Variants in SOS1 observed in about 807,000 individuals in gnomAD.
The protein encoded by SOS1 is SOS Ras/Rac guanine nucleotide exchange factor 1.
A neutral mutation model predicts 157.6 loss-of-function variants in SOS1; 25 were observed. That is an observed-to-expected ratio of 0.16 (90% CI 0.12 to 0.22). The LOEUF is 0.22. SOS1 is among the 10% of genes least tolerant of loss of function. The pLI, the probability that SOS1 is intolerant of heterozygous loss-of-function variation, is 1.00. For synonymous variants in SOS1, 528 were observed against 534.0 expected (o/e 0.99, Z 0.16); for missense variants, 1,237 against 1,599.1 (o/e 0.77, Z 3.86).
intron 17 of SOS1, among the ~76,000 whole-genome samples, chr2:39,005,717 G>C (rs1477101510): frequency 6.6e-6 from 1 of 151,868 alleles, no homozygotes; most frequent in Non-Finnish European, 1.5e-5. Flanking sequence ...ATATAGATGA[G>C]GAAAAGGCTA....
At chr2:39,122,430 C>T (rs1164162413), upstream of SOS1, among the ~76,000 whole-genome samples, 1 of 127,630 alleles carries the variant, frequency 7.8e-6, no homozygotes, top group Non-Finnish European at 1.6e-5. Context: ...AACTCCGTTT[C>T]AATTCAAAAA....
chr2:39,035,540 T>TC, intron 6 of SOS1, 40 bp from the exon 7 acceptor site: 1 of 1,396,126 alleles, frequency 7.2e-7, no homozygotes, highest in Non-Finnish European at 1.0e-6. Flanking sequence ...TAATTTACCA[T>TC]TACAAACACA....
intron 6 of SOS1, among the ~76,000 whole-genome samples, chr2:39,038,528 G>C (rs962373197): frequency 1.3e-5 from 2 of 151,772 alleles, no homozygotes; most frequent in African/African-American, 4.8e-5. Flanking sequence ...GAGATCAAGA[G>C]ATCGAGACCA....
intron 1 of SOS1, among the ~76,000 whole-genome samples, chr2:39,083,291 C>G (rs942826266): frequency 6.6e-6 from 1 of 151,970 alleles, no homozygotes; most frequent in Non-Finnish European, 1.5e-5. Flanking sequence ...AGAATGGAAT[C>G]TAGTGAAGCA....
intron 6 of SOS1, among the ~76,000 whole-genome samples, chr2:39,045,662 G>A (rs1271344962): frequency 6.6e-6 from 1 of 152,092 alleles, no homozygotes; most frequent in South Asian, 2.1e-4. Flanking sequence ...CTGTGGTTCT[G>A]TTTTAAGAAA....
rs573210185 is a variant in SOS1, at chr2:39,023,353, T to C, written c.1203-128A>G. The C allele has an allele frequency of 1.9e-5, 12 of 625,244 alleles. 1 individual carries two copies. In the South Asian group the frequency reaches 2.9e-4, roughly 15 times the overall value. 38.7% of individuals were successfully genotyped at this position (625,244 alleles called of 1,614,324 possible). On this transcript the variant is annotated intron_variant, in intron 9 of 22. Coordinates refer to ENST00000402219, the MANE Select transcript of SOS1 (RefSeq NM_005633.4). ...AGAAGGTATTCACTAATTCCCCAAA[T>C]AGATTAGAATTACAAAATTACACAA...
In SOS1 at chr2:39,120,482, G is replaced by A. The variant is rs1203682554; in HGVS notation, c.-60C>T. On this transcript the variant is annotated 5_prime_UTR_variant, in exon 1 of 23. Coordinates refer to ENST00000402219, the MANE Select transcript of SOS1 (RefSeq NM_005633.4). The stretch of plus-strand genomic sequence containing the variant: ...GCGGCGGCGGCCGGGCCAGGGAGCC[G>A]CGAGAGGGCGAGCTCGCAGCGCGGA... 4.2e-6 allele frequency: 6 copies of A among 1,434,302 alleles called. No homozygotes were observed. Among genetic ancestry groups the A allele is most frequent in the South Asian group, 1.4e-5 (1 of 73,156 alleles). The allele number at this position is 1,434,302 out of a possible 1,614,324, so 88.8% of individuals were successfully genotyped here.
chr2:39,098,995 T>C (rs1474062953), intron 1 of SOS1, among the ~76,000 whole-genome samples: 1 of 152,206 alleles, frequency 6.6e-6, no homozygotes, highest in African/African-American at 2.4e-5. Context: ...AAATGTTCAA[T>C]ATGCACATGA....
chr2:39,038,744 A>AAAAAAAAAAAAAAAAAAAAAAAAAAAC (rs1286674941), intron 6 of SOS1, among the ~76,000 whole-genome samples: 1 of 146,884 alleles, frequency 6.8e-6, no homozygotes, highest in Non-Finnish European at 1.5e-5. Flanking sequence ...AAAAAAAAAA[A>AAAAAAAAAAAAAAAAAAAAAAAAAAAC]AAAAGTCGTT....
intron 1 of SOS1, among the ~76,000 whole-genome samples, chr2:39,089,746 A>C (rs1672515696): frequency 6.6e-6 from 1 of 152,066 alleles, no homozygotes; most frequent in Admixed American, 6.6e-5. Flanking sequence ...GTACTAGTAT[A>C]GTCAATCAAC....
chr2:38,998,829 C>G (rs1464133966), intron 17 of SOS1, among the ~76,000 whole-genome samples: 1 of 152,178 alleles, frequency 6.6e-6, no homozygotes, highest in African/African-American at 2.4e-5. Flanking sequence ...AGTTCGTTCA[C>G]TCCCCACATG....
Position 39,064,977 on chromosome 2 carries a change from C to G in SOS1, c.213+2651G>C, listed in dbSNP as rs537360991. On this transcript the variant is annotated intron_variant, in intron 2 of 22. Coordinates refer to ENST00000402219, the MANE Select transcript of SOS1 (RefSeq NM_005633.4). ...TTCACCATGTTAACCAGGCTGTTCTCAAACTCCCAACCTTAGGTTATCCGC... is the reference window on the plus strand; with the variant it reads ...TTCACCATGTTAACCAGGCTGTTCTGAAACTCCCAACCTTAGGTTATCCGC... Among the ~76,000 whole-genome samples, 6 of 151,242 alleles carry G rather than the reference C, an allele frequency of 4.0e-5. No homozygotes were observed. The South Asian group carries it at 1.3e-3, about 32-fold the overall frequency.
intron 17 of SOS1, among the ~76,000 whole-genome samples, chr2:39,003,079 G>A (rs200181952): frequency 9.1e-3 from 184 of 20,230 alleles, no homozygotes; most frequent in African/African-American, 0.027. Flanking sequence ...AAAAAAAAAA[G>A]AACGTAGGGG....
At chr2:39,110,743 G>A (rs544305186) in intron 1 of SOS1, among the ~76,000 whole-genome samples, 2 of 152,204 alleles carry the variant, frequency 1.3e-5, no homozygotes, top group South Asian at 2.1e-4. Context: ...ATCGGCAAAG[G>A]GTTCTTAGAT....
In SOS1 at chr2:38,984,853, CTA is replaced by C. The variant is rs1668506996; in HGVS notation, c.*969_*970del. 1 of 152,160 alleles carries C rather than the reference CTA, an allele frequency of 6.6e-6. No individual in the cohort carries two copies. Among genetic ancestry groups the C allele is most frequent in the African/African-American group, 2.4e-5 (1 of 41,442 alleles). The allele number at this position is 152,160 out of a possible 1,614,324, so 9.4% of individuals were successfully genotyped here. ...AATTCTAGATATGCTGATTACTCAACTATGTGTAAAACATGAGCGGTGTCAGT... is the reference window on the plus strand; with the variant it reads ...AATTCTAGATATGCTGATTACTCAACTGTGTAAAACATGAGCGGTGTCAGT... On this transcript the variant is annotated 3_prime_UTR_variant, in exon 23 of 23. Coordinates refer to ENST00000402219, the MANE Select transcript of SOS1 (RefSeq NM_005633.4).
chr2:39,011,488 A>T (rs2124513615), intron 14 of SOS1, among the ~76,000 whole-genome samples: 1 of 152,290 alleles, frequency 6.6e-6, no homozygotes, highest in Non-Finnish European at 1.5e-5. Flanking sequence ...CCTAGGAAAT[A>T]AAATAGATTC....
chr2:39,099,395 C>A (rs1016308565), intron 1 of SOS1, among the ~76,000 whole-genome samples: 2 of 152,116 alleles, frequency 1.3e-5, no homozygotes, highest in Non-Finnish European at 2.9e-5. Context: ...CCAGAACAGA[C>A]AAATCCATAA....
Position 38,995,238 on chromosome 2 carries a change from T to A in SOS1, c.3231A>T (p.Ala1077=), listed in dbSNP as rs1668854851. The A allele has an allele frequency of 6.2e-7, 1 of 1,614,098 alleles. No individual in the cohort carries two copies. The change falls in exon 20 of 23, where the codon GCA becomes GCT. Residue 1077 remains alanine, a synonymous_variant. Transcript: ENST00000402219. ...RIPESETEST[A]SAPNSPRTPL... Reference sequence around the variant, plus strand: ...GTGTTCTTGGAGAATTTGGTGCAGATGCTGTACTTTCTGTTTCACTTTCAG... The same window carrying A: ...GTGTTCTTGGAGAATTTGGTGCAGAAGCTGTACTTTCTGTTTCACTTTCAG...
rs1558496540 is a variant in SOS1 at position 39,064,741 on chromosome 2, C to CTTT, written c.213+2886_213+2887insAAA. Among the ~76,000 whole-genome samples the CTTT allele has an allele frequency of 2.1e-3, 102 of 49,026 alleles. 3 individuals carry two copies. Among genetic ancestry groups the CTTT allele is most frequent in the African/African-American group, 8.5e-3 (96 of 11,306 alleles). The allele number at this position is 49,026 out of a possible 152,430, so 32.2% of individuals were successfully genotyped here. A position where few individuals can be genotyped will look rare whatever the true frequency, so the allele number is the denominator to read the frequency against. On this transcript the variant is annotated intron_variant, in intron 2 of 22. Transcript: ENST00000402219. Reference sequence around the variant, plus strand: ...TTCAGATTGATCTATTTTTAAAATACATTTTTTTTTTTTTTTTTTTTTTTG... The same window carrying CTTT: ...TTCAGATTGATCTATTTTTAAAATACTTTATTTTTTTTTTTTTTTTTTTTTTTG...
Sources: gnomAD v4.1 joint callset for allele counts (sites outside exome capture counted in the v4.1 genomes callset) on GRCh38, gnomAD v4.1.1 for gene constraint, MANE v1.5 for transcripts, NCBI Gene and HGNC (gene_info 2026-07-23, HGNC 2026-07-21) for gene names.